NDST4: variants seen among roughly 807,000 people sequenced by gnomAD.
NDST4 encodes the protein N-heparan sulfate sulfotransferase 4.
In NDST4, 63 loss-of-function variants were observed where a neutral mutation model predicts 100.8. The observed-to-expected ratio is 0.62, with a 90% CI of 0.51 to 0.77. The LOEUF is 0.77. NDST4 is among the 30% of genes least tolerant of loss of function. NDST4 has a pLI of 0.00. For missense variants in NDST4, 943 were observed against 1,018.4 expected (o/e 0.93, Z 1.01); for synonymous variants, 377 against 361.8 (o/e 1.04, Z -0.48).
intron 4 of NDST4, among the ~76,000 whole-genome samples, chr4:114,945,292 T>G (rs1045046929): frequency 1.3e-5 from 2 of 151,006 alleles, no homozygotes; most frequent in African/African-American, 4.9e-5. Flanking sequence ...TGCCAGGATT[T>G]TACACAAATC....
In NDST4 at chr4:115,078,855, C is replaced by T. The variant is rs113880785; in HGVS notation, c.-246-1573G>A. 3.3e-3 allele frequency among the ~76,000 whole-genome samples: 496 copies of T among 151,674 alleles called. 7 individuals carry two copies. Among genetic ancestry groups the T allele is most frequent in the African/African-American group, 0.011 (472 of 41,320 alleles). ...ACTCTCTTCCGCCCCCACCAACCCCCGCCCAAAAAAAGTGACCTGGATGCT... is the reference window on the plus strand; with the variant it reads ...ACTCTCTTCCGCCCCCACCAACCCCTGCCCAAAAAAAGTGACCTGGATGCT... On this transcript the variant is annotated intron_variant, in intron 1 of 13. Coordinates refer to ENST00000264363, the MANE Select transcript of NDST4 (RefSeq NM_022569.3).
chr4:115,079,926 A>C (rs958730308), intron 1 of NDST4, among the ~76,000 whole-genome samples: 1 of 152,182 alleles, frequency 6.6e-6, no homozygotes, highest in Non-Finnish European at 1.5e-5. Context: ...AATAACTTTT[A>C]AACTTTTTCA....
chr4:115,028,018 C>G (rs1728026921), intron 2 of NDST4, among the ~76,000 whole-genome samples: 1 of 151,480 alleles, frequency 6.6e-6, no homozygotes, highest in Non-Finnish European at 1.5e-5. Context: ...CACCGATTCA[C>G]CATTACACTC....
intron 12 of NDST4, 144 bp from the exon 13 acceptor site, chr4:114,830,036 TGAGA>T (rs1723162181): frequency 6.3e-6 from 4 of 639,800 alleles, no homozygotes; most frequent in South Asian, 1.9e-5. Context: ...TTAGCTGATT[TGAGA>T]GAGGCTAACT....
chr4:115,023,487 A>T (rs1348303476), intron 2 of NDST4, among the ~76,000 whole-genome samples: 1 of 53,062 alleles, frequency 1.9e-5, no homozygotes, highest in African/African-American at 1.6e-4. Flanking sequence ...TTCCATCTCA[A>T]AAAAAAAAAA....
intron 4 of NDST4, among the ~76,000 whole-genome samples, chr4:114,949,165 C>T (rs1321865752): frequency 2.6e-5 from 4 of 151,820 alleles, no homozygotes; most frequent in Non-Finnish European, 5.9e-5. Flanking sequence ...AATCCAGTCA[C>T]AAAACTGTTA....
rs538484658 is a variant in NDST4, at chr4:114,900,659, G to C, written c.1537-29709C>G. Among the ~76,000 whole-genome samples the C allele has an allele frequency of 1.4e-3, 219 of 152,264 alleles. 3 individuals are homozygous for C. Among genetic ancestry groups the C allele is most frequent in the Non-Finnish European group, 5.7e-4 (39 of 67,986 alleles). ...CTGAACTATATAGCTTAGGTGTTTA[G>C]TAGGCTAGACCATATAAGTTTGTGA... On this transcript the variant is annotated intron_variant, in intron 6 of 13. Coordinates refer to ENST00000264363, the MANE Select transcript of NDST4 (RefSeq NM_022569.3).
intron 2 of NDST4, among the ~76,000 whole-genome samples, chr4:115,063,977 G>A (rs939618424): frequency 3.3e-5 from 5 of 151,868 alleles, no homozygotes; most frequent in African/African-American, 1.2e-4. Flanking sequence ...TCTCAGCTCC[G>A]TAATTATCTA....
chr4:114,993,220 G>A (rs1727078916), intron 2 of NDST4, among the ~76,000 whole-genome samples: 1 of 151,640 alleles, frequency 6.6e-6, no homozygotes, highest in South Asian at 2.1e-4. Flanking sequence ...TAGGATTTTT[G>A]GGAATATAGA....
intron 13 of NDST4, 85 bp from the exon 14 acceptor site, chr4:114,828,020 T>G: frequency 8.5e-7 from 1 of 1,179,086 alleles, no homozygotes; most frequent in Non-Finnish European, 1.2e-6. Context: ...AAGGAATATA[T>G]CTACTACAGT....
chr4:115,036,426 T>C (rs1728234752), intron 2 of NDST4, among the ~76,000 whole-genome samples: 1 of 151,112 alleles, frequency 6.6e-6, no homozygotes, highest in Non-Finnish European at 1.5e-5. Context: ...TGTGTGCATA[T>C]ATGTATATGT....
rs557306506 is a variant in NDST4 at position 114,999,171 on chromosome 4, G to A, written c.979-21897C>T. 1.7e-4 allele frequency among the ~76,000 whole-genome samples: 26 copies of A among 152,078 alleles called. No homozygotes were observed. In the East Asian group the frequency reaches 1.7e-3, roughly 10 times the overall value. On this transcript the variant is annotated intron_variant, in intron 2 of 13. Transcript: ENST00000264363. ...CACTGAGATATTTAATTAGTTGTGCGTTTTTGTGAATGCCTATAGGTTTGG... is the reference window on the plus strand; with the variant it reads ...CACTGAGATATTTAATTAGTTGTGCATTTTTGTGAATGCCTATAGGTTTGG...
intron 2 of NDST4, among the ~76,000 whole-genome samples, chr4:115,035,371 A>G (rs971551529): frequency 3.3e-5 from 5 of 152,088 alleles, no homozygotes; most frequent in Admixed American, 6.6e-5. Context: ...TAAATTGTGG[A>G]AAGATATATC....
intron 6 of NDST4, among the ~76,000 whole-genome samples, chr4:114,906,726 T>C (rs1209819181): frequency 6.6e-6 from 1 of 152,048 alleles, no homozygotes; most frequent in Non-Finnish European, 1.5e-5. Flanking sequence ...ATTATAAATA[T>C]ATCTCTTAAA....
chr4:115,023,959 A>T (rs1727921638), intron 2 of NDST4, among the ~76,000 whole-genome samples: 1 of 146,806 alleles, frequency 6.8e-6, no homozygotes, highest in Non-Finnish European at 1.5e-5. Context: ...TGACCAGCCT[A>T]GCCACGCTCA....
intron 2 of NDST4, among the ~76,000 whole-genome samples, chr4:114,987,443 C>G (rs749933702): frequency 2.0e-5 from 3 of 152,084 alleles, no homozygotes; most frequent in East Asian, 1.9e-4. Flanking sequence ...ATTTGGTTAC[C>G]ACTGTCAGAA....
chr4:114,930,015 G>C (rs1042975250), intron 6 of NDST4, among the ~76,000 whole-genome samples: 1 of 152,126 alleles, frequency 6.6e-6, no homozygotes, highest in African/African-American at 2.4e-5. Flanking sequence ...AGAATGAAAA[G>C]GGTATGATGA....
intron 4 of NDST4, among the ~76,000 whole-genome samples, chr4:114,968,235 T>C (rs1484410467): frequency 2.0e-5 from 3 of 152,214 alleles, no homozygotes; most frequent in Admixed American, 6.5e-5. Context: ...ACTTGCGCTA[T>C]GCTTCCAAAG....
chr4:114,888,290 T>C (rs72899273), intron 6 of NDST4, among the ~76,000 whole-genome samples: 11,820 of 151,980 alleles, frequency 0.078, 516 homozygotes, highest in African/African-American at 0.1. Flanking sequence ...CAAGAACTCA[T>C]CTTAGAATGT....
Sources: gnomAD v4.1 joint callset for allele counts (sites outside exome capture counted in the v4.1 genomes callset) on GRCh38, gnomAD v4.1.1 for gene constraint, MANE v1.5 for transcripts, NCBI Gene and HGNC (gene_info 2026-07-23, HGNC 2026-07-21) for gene names.